The following VWC2 variants were observed in gnomAD, a reference collection of about 807,000 sequenced individuals.
The protein encoded by VWC2 is brorin.
Under a neutral mutation model 29.8 loss-of-function variants are expected in VWC2, and 14 were observed. The ratio of observed to expected loss-of-function variants is 0.47; its 90% confidence interval spans 0.31 to 0.74. The LOEUF (loss-of-function observed/expected upper bound fraction) is 0.74. Among genes scored for constraint, VWC2 ranks in the 30% least tolerant of loss-of-function variants. VWC2 has a pLI of 0.05. For synonymous variants in VWC2, 213 were observed against 199.0 expected (o/e 1.07, Z -0.59); for missense variants, 457 against 459.8 (o/e 0.99, Z 0.05).
chr7:49,822,132 C>T (rs1347221674), intron 3 of VWC2, among the ~76,000 whole-genome samples: 1 of 151,982 alleles, frequency 6.6e-6, no homozygotes, highest in Non-Finnish European at 1.5e-5. Flanking sequence ...AAATTGAATT[C>T]TCTTTATTTT....
At chr7:49,822,448 G>A (rs187329226) in intron 3 of VWC2, among the ~76,000 whole-genome samples, 43 of 151,996 alleles carry the variant, frequency 2.8e-4, no homozygotes, top group Middle Eastern at 3.4e-3. Context: ...TTTGTTTTTT[G>A]TTTGAGACGG....
intron 3 of VWC2, among the ~76,000 whole-genome samples, chr7:49,883,462 A>G (rs1791768761): frequency 6.6e-6 from 1 of 152,224 alleles, no homozygotes; most frequent in Non-Finnish European, 1.5e-5. Context: ...TGATATATCC[A>G]TGGCATTAGA....
rs143041386 is a variant in VWC2, at chr7:49,884,584, A to G, written c.827-27450A>G. 2.7e-3 allele frequency among the ~76,000 whole-genome samples: 405 copies of G among 152,258 alleles called. 1 individual carries two copies. Among genetic ancestry groups the G allele is most frequent in the African/African-American group, 9.0e-3 (373 of 41,556 alleles). On this transcript the variant is annotated intron_variant, in intron 3 of 3. Coordinates refer to ENST00000340652, the MANE Select transcript of VWC2 (RefSeq NM_198570.5). Reference sequence around the variant, plus strand: ...AAGACAAATATAAATTTCAAGTTTTAAGACAGTGGGTCAATTTCTATGTCT... The same window carrying G: ...AAGACAAATATAAATTTCAAGTTTTGAGACAGTGGGTCAATTTCTATGTCT...
At chr7:49,884,193 A>G (rs1349479485) in intron 3 of VWC2, among the ~76,000 whole-genome samples, 1 of 152,216 alleles carries the variant, frequency 6.6e-6, no homozygotes, top group Non-Finnish European at 1.5e-5. Flanking sequence ...AGAAGGGTCC[A>G]GGCTGCTGGC....
At chr7:49,883,815 A>G (rs1214900983) in intron 3 of VWC2, among the ~76,000 whole-genome samples, 2 of 152,206 alleles carry the variant, frequency 1.3e-5, no homozygotes, top group African/African-American at 4.8e-5. Flanking sequence ...CAATGAACAG[A>G]GCCTAATTCA....
intron 3 of VWC2, among the ~76,000 whole-genome samples, chr7:49,881,414 T>A (rs1255406953): frequency 2.0e-5 from 3 of 152,108 alleles, no homozygotes; most frequent in Non-Finnish European, 4.4e-5. Context: ...AATGAATGAT[T>A]TAATAGAAAG....
At chr7:49,878,104 G>A (rs7809987) in intron 3 of VWC2, among the ~76,000 whole-genome samples, 1 of 151,858 alleles carries the variant, frequency 6.6e-6, no homozygotes, top group Non-Finnish European at 1.5e-5. Context: ...TCCCCTTGAC[G>A]TAAATGTTAA....
intron 3 of VWC2, among the ~76,000 whole-genome samples, chr7:49,813,570 T>A (rs770775013): frequency 3.3e-5 from 5 of 152,240 alleles, no homozygotes; most frequent in Non-Finnish European, 7.3e-5. Context: ...GAGAACACAG[T>A]GCTTATAAGG....
chr7:49,796,182 G>C (rs1381065327), intron 2 of VWC2, among the ~76,000 whole-genome samples: 1 of 152,224 alleles, frequency 6.6e-6, no homozygotes, highest in Non-Finnish European at 1.5e-5. Flanking sequence ...ATGCTGAATA[G>C]TTGTAGTTGA....
chr7:49,875,225 C>T, intron 3 of VWC2, among the ~76,000 whole-genome samples: 1 of 151,484 alleles, frequency 6.6e-6, no homozygotes, highest in East Asian at 1.9e-4. Flanking sequence ...CAAAAATTAG[C>T]TGGGCATGGT....
chr7:49,893,374 G>C (rs1792225599), intron 3 of VWC2, among the ~76,000 whole-genome samples: 1 of 152,170 alleles, frequency 6.6e-6, no homozygotes, highest in African/African-American at 2.4e-5. Flanking sequence ...TATTAATTTG[G>C]CAGGATAGTT....
At chr7:49,846,389 C>T (rs1050253621) in intron 3 of VWC2, among the ~76,000 whole-genome samples, 10 of 152,338 alleles carry the variant, frequency 6.6e-5, no homozygotes, top group African/African-American at 2.4e-4. Flanking sequence ...GCTCCCAGAA[C>T]TACATGCAGG....
chr7:49,833,674 G>A (rs1029183393), intron 3 of VWC2, among the ~76,000 whole-genome samples: 2 of 152,118 alleles, frequency 1.3e-5, no homozygotes, highest in Non-Finnish European at 2.9e-5. Context: ...CATCATCTGA[G>A]AGTGATATTT....
chr7:49,875,151 C>T (rs915760769), intron 3 of VWC2, among the ~76,000 whole-genome samples: 3 of 151,052 alleles, frequency 2.0e-5, no homozygotes, highest in Admixed American at 1.3e-4. Flanking sequence ...GCAGGCAGAT[C>T]ACAAGGTCAG....
At chr7:49,888,826 G>A (rs1583760558) in intron 3 of VWC2, among the ~76,000 whole-genome samples, 1 of 152,234 alleles carries the variant, frequency 6.6e-6, no homozygotes, top group East Asian at 1.9e-4. Flanking sequence ...CAGGAGAATC[G>A]CTTGAACTCG....
intron 3 of VWC2, among the ~76,000 whole-genome samples, chr7:49,811,271 G>T (rs892790791): frequency 5.3e-5 from 8 of 152,112 alleles, no homozygotes; most frequent in African/African-American, 1.9e-4. Flanking sequence ...CCTCAACCTG[G>T]CTGTGTCCAC....
intron 3 of VWC2, among the ~76,000 whole-genome samples, chr7:49,853,884 G>T (rs1261322522): frequency 7.3e-5 from 9 of 122,530 alleles, no homozygotes; most frequent in African/African-American, 3.0e-4. Flanking sequence ...CCCACAACAG[G>T]CCCCGGTGTG....
rs143063355 is a variant in VWC2 at position 49,881,739 on chromosome 7, G to T, written c.827-30295G>T. The stretch of plus-strand genomic sequence containing the variant: ...AATAACTCTAAATAGGCTTTTGATA[G>T]GCAATTCATCTCTTTAATTCATCTC... On this transcript the variant is annotated intron_variant, in intron 3 of 3. Transcript: ENST00000340652. Among the ~76,000 whole-genome samples the T allele has an allele frequency of 1.7e-3, 266 of 152,162 alleles. 3 individuals carry two copies. The highest frequency in any genetic ancestry group is 6.0e-3 in the African/African-American group (249 of 41,532).
chr7:49,872,915 C>CAAAAAAAAAAAAAAAAAAAAAA (rs61473396), intron 3 of VWC2, among the ~76,000 whole-genome samples: 1 of 33,944 alleles, frequency 2.9e-5, no homozygotes. Flanking sequence ...GACTTTGTCT[C>CAAAAAAAAAAAAAAAAAAAAAA]AAAAAAAAAA....
Sources: gnomAD v4.1 joint callset for allele counts (sites outside exome capture counted in the v4.1 genomes callset) on GRCh38, gnomAD v4.1.1 for gene constraint, MANE v1.5 for transcripts, NCBI Gene and HGNC (gene_info 2026-07-23, HGNC 2026-07-21) for gene names.